NALF2: variants seen among roughly 807,000 people sequenced by gnomAD.
The protein encoded by NALF2 is NALCN channel auxiliary factor 2.
Under a neutral mutation model 24.8 loss-of-function variants are expected in NALF2, and 1 was observed. The ratio of observed to expected loss-of-function variants is 0.04; its 90% CI spans 0.01 to 0.19. The LOEUF is 0.19. NALF2 is among the 10% of genes least tolerant of loss of function. The pLI is 1.00. For synonymous variants in NALF2, 254 were observed against 189.8 expected, an observed-to-expected ratio of 1.34 and a Z score of -2.78; for missense variants, 458 against 409.6, an observed-to-expected ratio of 1.12 and a Z score of -1.02.
rs942186576 is a variant in NALF2, at chrX:69,530,332, G to A, written c.*376G>A. On this transcript the variant is annotated 3_prime_UTR_variant, in exon 3 of 3. Transcript: ENST00000252338. ...CCTTGGCCCTGCAGGGAATGTTGGG[G>A]GGCACAGAGGGGAGAAGCTCTTTCC... 4 of 166,369 alleles carry A rather than the reference G, an allele frequency of 2.4e-5. No individual in the cohort carries two copies. The highest frequency in any genetic ancestry group is 3.4e-5 in the Non-Finnish European group (3 of 88,396). 13.7% of individuals were successfully genotyped at this position (166,369 alleles called of 1,213,427 possible). A position where few individuals can be genotyped will look rare whatever the true frequency, so the allele number is the denominator to read the frequency against.
chrX:69,530,967 G>A lies in NALF2; in HGVS notation c.*1011G>A, dbSNP rs1045432442. On this transcript the variant is annotated 3_prime_UTR_variant, in exon 3 of 3. Coordinates refer to ENST00000252338, the MANE Select transcript of NALF2 (RefSeq NM_015686.3). ...CCATTTCCGATCTCCATGGGGAGGA[G>A]GGACTTAAGCCCAAGTGGGTCAGGC... is the stretch of plus-strand genomic sequence containing the variant. The A allele has an allele frequency of 1.8e-5, 2 of 112,910 alleles. No individual in the cohort carries two copies. The highest frequency in any genetic ancestry group is 6.5e-5 in the African/African-American group (2 of 30,979). The allele number at this position is 112,910 out of a possible 1,213,427, so 9.3% of individuals were successfully genotyped here. A position where few individuals can be genotyped will look rare whatever the true frequency, so the allele number is the denominator to read the frequency against.
At position 69,505,629 on chromosome X, in the gene NALF2, C is replaced by T. The variant is rs199924940; in HGVS notation, c.347C>T (p.Pro116Leu). Reference sequence around the variant, plus strand: ...AGCGCGCCCCCAGGCACCTGCGGCCCCAGATACAGCAACCTGACCAAAGCC... The same window carrying T: ...AGCGCGCCCCCAGGCACCTGCGGCCTCAGATACAGCAACCTGACCAAAGCC... ...EPSAPPGTCG[P>L]RYSNLTKAAP... Residue 116 changes from proline to leucine, a missense_variant, in exon 1 of 3, where the codon CCC becomes CTC. Physicochemically the swap from Pro to Leu is moderately conservative, Grantham distance 98 (BLOSUM62 -3). Transcript: ENST00000252338. 1,547 of 1,180,397 alleles carry T rather than the reference C, an allele frequency of 1.3e-3. 5 individuals carry two copies. In the South Asian group the frequency reaches 0.016, roughly 12 times the overall value.
Position 69,505,821 on chromosome X carries a change from C to G in NALF2, c.539C>G (p.Pro180Arg). The G allele has an allele frequency of 8.3e-7, 1 of 1,211,064 alleles. No individual in the cohort carries two copies. Among genetic ancestry groups the G allele is most frequent in the East Asian group, 3.0e-5 (1 of 33,791 alleles). ...DSLSRAPAEF[P>R]SAKKNLLKGH... is the part of the protein sequence containing the mutation. Reference sequence around the variant, plus strand: ...CTTTCCCGTGCCCCGGCCGAGTTCCCCTCCGCCAAAAAAAACTTGCTCAAA... The same window carrying G: ...CTTTCCCGTGCCCCGGCCGAGTTCCGCTCCGCCAAAAAAAACTTGCTCAAA... The change falls in exon 1 of 3, where the codon CCC becomes CGC. Residue 180 changes from proline to arginine, a missense_variant. By Grantham distance (103) the Pro-to-Arg change is moderately radical. Coordinates refer to ENST00000252338, the MANE Select transcript of NALF2 (RefSeq NM_015686.3).
chrX:69,513,711 A>T (rs1030276377), intron 1 of NALF2, among the ~76,000 whole-genome samples: 1 of 107,061 alleles, frequency 9.3e-6, no homozygotes, highest in African/African-American at 3.3e-5. Flanking sequence ...AAAGGAAAAA[A>T]GTCCCAGAGC....
chrX:69,507,714 G>A (rs762816510), intron 1 of NALF2, among the ~76,000 whole-genome samples: 1 of 111,365 alleles, frequency 9.0e-6, no homozygotes, highest in African/African-American at 3.3e-5. Flanking sequence ...ACATACCCTC[G>A]ATGTCAGCCA....
In NALF2 at chrX:69,516,698, A is replaced by G. The variant is rs775259174; in HGVS notation, c.861+10555A>G. On this transcript the variant is annotated intron_variant, in intron 1 of 2. Coordinates refer to ENST00000252338, the MANE Select transcript of NALF2 (RefSeq NM_015686.3). ...TTCACCAACTGCTAAAGATTAAAAC[A>G]GGAATAGTGAGCCTTTGGCCCTGGG... is the stretch of plus-strand genomic sequence containing the variant. Among the ~76,000 whole-genome samples the G allele has an allele frequency of 1.2e-4, 13 of 111,894 alleles. No individual in the cohort carries two copies. The South Asian group carries it at 3.4e-3, about 30-fold the overall frequency.
chrX:69,524,284 G>T (rs112255136), intron 1 of NALF2, among the ~76,000 whole-genome samples: 3 of 109,518 alleles, frequency 2.7e-5, no homozygotes, highest in Non-Finnish European at 5.7e-5. Flanking sequence ...TAGAGACAGG[G>T]TTTCACCATG....
At position 69,530,063 on chromosome X, in the gene NALF2, C is replaced by G. The variant is rs1274310667; in HGVS notation, c.*107C>G. 121 of 364,280 alleles carry G rather than the reference C, an allele frequency of 3.3e-4. No individual in the cohort carries two copies. Among genetic ancestry groups the G allele is most frequent in the Non-Finnish European group, 4.5e-4 (99 of 221,183 alleles). The allele number at this position is 364,280 out of a possible 1,213,427, so 30.0% of individuals were successfully genotyped here. On this transcript the variant is annotated 3_prime_UTR_variant, in exon 3 of 3. Transcript: ENST00000252338. ...TGGGAGGTGTAGGATAAGGTGGGGG[C>G]GGGGGAAATGGGGGAATGACACATC...
intron 1 of NALF2, among the ~76,000 whole-genome samples, chrX:69,507,623 C>T (rs769709972): frequency 7.2e-5 from 8 of 111,478 alleles, no homozygotes; most frequent in African/African-American, 1.6e-4. Flanking sequence ...GTCACACACA[C>T]GCACATCTCC....
chrX:69,506,787 G>A (rs779701135), intron 1 of NALF2, among the ~76,000 whole-genome samples: 1,490 of 112,617 alleles, frequency 0.013, 12 homozygotes, highest in Middle Eastern at 0.041. Context: ...TGGGAACAGG[G>A]AACAGCGACT....
chrX:69,527,822 T>C (rs984335330), intron 1 of NALF2, among the ~76,000 whole-genome samples: 1 of 111,179 alleles, frequency 9.0e-6, no homozygotes, highest in African/African-American at 3.3e-5. Context: ...GAGCCTGAGA[T>C]TCTGCATCTC....
rs767112358 is a variant in NALF2, at chrX:69,529,911, G to A, written c.1374G>A (p.Leu458=). The A allele has an allele frequency of 5.8e-6, 7 of 1,210,416 alleles. No individual in the cohort carries two copies. The highest frequency in any genetic ancestry group is 7.8e-6 in the Non-Finnish European group (7 of 894,994). ...ACCAGGGTGGTGGGGGATTGGGGCT[G>A]GAGACACTGCCTGCCCTAGAGGAGG... ...SSNQGGGGLG[L]ETLPALEEGL... The change falls in exon 3 of 3, where the codon CTG becomes CTA. Residue 458 remains leucine, a synonymous_variant. Transcript: ENST00000252338.
At chrX:69,508,262 G>C (rs1407225332) in intron 1 of NALF2, among the ~76,000 whole-genome samples, 3 of 111,633 alleles carry the variant, frequency 2.7e-5, no homozygotes, top group Non-Finnish European at 5.6e-5. Context: ...TGAGATCAAG[G>C]AGGCTGGTGA....
At position 69,531,202 on chromosome X, in the gene NALF2, A is replaced by T. The variant is rs1930899707; in HGVS notation, c.*1246A>T. 1 of 112,245 alleles carries T rather than the reference A, an allele frequency of 8.9e-6. No homozygotes were observed. Among genetic ancestry groups the T allele is most frequent in the South Asian group, 3.7e-4 (1 of 2,687 alleles). 9.3% of individuals were successfully genotyped at this position (112,245 alleles called of 1,213,427 possible). The stretch of plus-strand genomic sequence containing the variant: ...TTGCGAAACACCCATACTCCTCTTC[A>T]CCCTGTAGCAGGGTCTTCTGCTCCA... On this transcript the variant is annotated 3_prime_UTR_variant, in exon 3 of 3. Coordinates refer to ENST00000252338, the MANE Select transcript of NALF2 (RefSeq NM_015686.3).
intron 1 of NALF2, among the ~76,000 whole-genome samples, chrX:69,522,063 G>A (rs150000938): frequency 2.7e-5 from 3 of 112,150 alleles, no homozygotes; most frequent in South Asian, 3.8e-4. Context: ...AAGCCACAAG[G>A]AGGAATTAGT....
At chrX:69,523,696 AC>A (rs1390839253) in intron 1 of NALF2, among the ~76,000 whole-genome samples, 1 of 104,986 alleles carries the variant, frequency 9.5e-6, no homozygotes, top group African/African-American at 3.4e-5. Context: ...AATGCTTCCC[AC>A]CCCACCCATC....
chrX:69,527,409 A>T (rs1930824355), intron 1 of NALF2, among the ~76,000 whole-genome samples: 1 of 111,830 alleles, frequency 8.9e-6, no homozygotes, highest in African/African-American at 3.3e-5. Context: ...TTGCATTGCC[A>T]AAGTCCATGT....
At chrX:69,528,425 A>G (rs1243173233) in intron 1 of NALF2, among the ~76,000 whole-genome samples, 2 of 111,442 alleles carry the variant, frequency 1.8e-5, no homozygotes, top group Non-Finnish European at 3.8e-5. Flanking sequence ...TTTTTTTATT[A>G]TTAAAAATAA....
chrX:69,511,543 T>G (rs998831156), intron 1 of NALF2, among the ~76,000 whole-genome samples: 2 of 111,926 alleles, frequency 1.8e-5, no homozygotes, highest in Non-Finnish European at 3.8e-5. Context: ...TCCCCCGGTC[T>G]TCTTCATGGC....
Sources: allele counts gnomAD v4.1 joint callset (sites outside exome capture counted in the v4.1 genomes callset), GRCh38; gene constraint gnomAD v4.1.1; transcripts MANE v1.5; gene names NCBI Gene and HGNC (gene_info 2026-07-23, HGNC 2026-07-21).